Variants in CA10 observed in about 807,000 individuals in gnomAD.
CA10 encodes the protein carbonic anhydrase 10 (inactive), also known as carbonic anhydrase-related protein 10.
In CA10, 14 loss-of-function variants were observed where a neutral mutation model predicts 44.2. That is an observed-to-expected ratio of 0.32 (90% confidence interval 0.21 to 0.50). CA10 has a LOEUF of 0.50. Among genes scored for constraint, CA10 ranks in the 20% least tolerant of loss-of-function variants. CA10 has a pLI of 0.99. For missense variants in CA10, 350 were observed against 409.7 expected, an observed-to-expected ratio of 0.85 and a Z score of 1.26; for synonymous variants, 159 against 141.6, an observed-to-expected ratio of 1.12 and a Z score of -0.87.
rs531325643 is a variant in CA10 at position 51,835,469 on chromosome 17, C to T, written c.280-87651G>A. On this transcript the variant is annotated intron_variant, in intron 3 of 8. Transcript: ENST00000451037. ...AACATCCCAGCTATCTATGGCTTGC[C>T]ACTGCCATTCAGCAATCAGGCTTTC... 3.3e-4 allele frequency among the ~76,000 whole-genome samples: 50 copies of T among 152,344 alleles called. 2 individuals are homozygous for T. The highest frequency in any genetic ancestry group is 3.3e-3 in the Admixed American group (50 of 15,304).
chr17:51,682,923 TG>T (rs1914892216), intron 4 of CA10, among the ~76,000 whole-genome samples: 1 of 152,222 alleles, frequency 6.6e-6, no homozygotes, highest in Non-Finnish European at 1.5e-5. Context: ...TTCCCAAATT[TG>T]CCTGCTTATA....
chr17:51,853,175 G>T (rs188706158), intron 3 of CA10, among the ~76,000 whole-genome samples: 38 of 152,238 alleles, frequency 2.5e-4, no homozygotes, highest in Middle Eastern at 3.4e-3. Context: ...ATAAAAGAGA[G>T]AATATTTTTA....
chr17:51,687,946 G>A (rs915043693), intron 4 of CA10, among the ~76,000 whole-genome samples: 1 of 152,196 alleles, frequency 6.6e-6, no homozygotes, highest in Non-Finnish European at 1.5e-5. Context: ...GTTGCGTAGA[G>A]TTGAACTGTG....
intron 2 of CA10, among the ~76,000 whole-genome samples, chr17:52,052,912 TGTATGA>T (rs1166399432): frequency 3.3e-5 from 5 of 152,070 alleles, no homozygotes; most frequent in Admixed American, 3.3e-4. Flanking sequence ...CAATACAGTG[TGTATGA>T]GTATGTGTGT....
intron 3 of CA10, among the ~76,000 whole-genome samples, chr17:51,756,763 AC>A (rs1161703672): frequency 6.6e-6 from 1 of 152,134 alleles, no homozygotes; most frequent in African/African-American, 2.4e-5. Context: ...GGTGTGAGCC[AC>A]TGTGCCCAGC....
chr17:51,972,379 G>C (rs1391458603), intron 2 of CA10, among the ~76,000 whole-genome samples: 8 of 151,740 alleles, frequency 5.3e-5, no homozygotes, highest in African/African-American at 1.9e-4. Flanking sequence ...GATTATCGAT[G>C]GTATTCTAAA....
chr17:52,017,810 C>T lies in CA10; in HGVS notation c.136+54509G>A, dbSNP rs185602412. On this transcript the variant is annotated intron_variant, in intron 2 of 8. Coordinates refer to ENST00000451037, the MANE Select transcript of CA10 (RefSeq NM_020178.5). ...AGTCATGCACTCGTAGCCAAGACAA[C>T]GGGATAAAGACCTCAAAGGCATTTC... 8.9e-4 allele frequency among the ~76,000 whole-genome samples: 136 copies of T among 152,086 alleles called. 1 individual carries two copies. Among genetic ancestry groups the T allele is most frequent in the Admixed American group, 4.8e-3 (73 of 15,274 alleles).
chr17:51,839,343 A>C lies in CA10; in HGVS notation c.280-91525T>G, dbSNP rs184500777. On this transcript the variant is annotated intron_variant, in intron 3 of 8. Coordinates refer to ENST00000451037, the MANE Select transcript of CA10 (RefSeq NM_020178.5). Reference sequence around the variant, plus strand: ...CCGTCTCTACTTAAAATACAAAAAAATTAGCCGGGCGTGGTGGCATGAGCC... The same window carrying C: ...CCGTCTCTACTTAAAATACAAAAAACTTAGCCGGGCGTGGTGGCATGAGCC... Among the ~76,000 whole-genome samples, 47 of 151,960 alleles carry C rather than the reference A, an allele frequency of 3.1e-4. No individual in the cohort carries two copies. The East Asian group carries it at 8.9e-3, about 29-fold the overall frequency.
At chr17:51,882,775 C>A (rs7226322) in intron 3 of CA10, among the ~76,000 whole-genome samples, 10,042 of 152,206 alleles carry the variant, frequency 0.066, 652 homozygotes, top group African/African-American at 0.17. Context: ...TGTCAGCTTA[C>A]AGACCTAACC....
intron 1 of CA10, among the ~76,000 whole-genome samples, chr17:52,120,209 T>A (rs754675222): frequency 1.7e-4 from 26 of 152,186 alleles, no homozygotes; most frequent in Non-Finnish European, 3.5e-4. Context: ...TTTTGATACA[T>A]GTTTTCCAAT....
At chr17:52,077,239 T>C (rs1372242707) in intron 1 of CA10, among the ~76,000 whole-genome samples, 1 of 152,096 alleles carries the variant, frequency 6.6e-6, no homozygotes, top group Non-Finnish European at 1.5e-5. Context: ...GAAGTCATCG[T>C]TGGGGATGAA....
In CA10 at chr17:51,633,474, A is replaced by G; in HGVS notation, c.964+2T>C. The G allele has an allele frequency of 6.2e-7, 1 of 1,609,794 alleles. No individual in the cohort carries two copies. The highest frequency in any genetic ancestry group is 8.5e-7 in the Non-Finnish European group (1 of 1,177,440). ...CTCCACTCTCTGAGCCACCAAACCCACCTCTATACTGAAGCTTCTGGGCTC... is the reference window on the plus strand; with the variant it reads ...CTCCACTCTCTGAGCCACCAAACCCGCCTCTATACTGAAGCTTCTGGGCTC... On this transcript the variant is annotated splice_donor_variant, in intron 8 of 8. Transcript: ENST00000451037. LOFTEE classifies it high-confidence loss of function.
At chr17:51,648,804 T>C (rs1353549525) in intron 6 of CA10, among the ~76,000 whole-genome samples, 2 of 152,134 alleles carry the variant, frequency 1.3e-5, no homozygotes, top group East Asian at 3.9e-4. Flanking sequence ...TCTGTAAATG[T>C]TGCGATTGGA....
chr17:52,115,234 C>T (rs1988867506), intron 1 of CA10, among the ~76,000 whole-genome samples: 1 of 152,128 alleles, frequency 6.6e-6, no homozygotes, highest in Admixed American at 6.5e-5. Context: ...GATTTATTTT[C>T]GCCTAATACA....
Position 52,157,680 on chromosome 17 carries a change from T to C in CA10, c.61+46A>G. Reference sequence around the variant, plus strand: ...AATAAAACCCCATACACCCCAGACATCACAACATAATCCAAATCAGCCAGT... The same window carrying C: ...AATAAAACCCCATACACCCCAGACACCACAACATAATCCAAATCAGCCAGT... On this transcript the variant is annotated intron_variant, in intron 1 of 8. Coordinates refer to ENST00000451037, the MANE Select transcript of CA10 (RefSeq NM_020178.5). 5 of 1,566,890 alleles carry C rather than the reference T, an allele frequency of 3.2e-6. No individual in the cohort carries two copies. In the South Asian group the frequency reaches 4.4e-5, roughly 14 times the overall value.
At chr17:51,929,552 C>T (rs906729560) in intron 3 of CA10, among the ~76,000 whole-genome samples, 1 of 152,148 alleles carries the variant, frequency 6.6e-6, no homozygotes, top group African/African-American at 2.4e-5. Flanking sequence ...GCTTTTCCAC[C>T]CCCTGCTTTT....
At chr17:51,765,634 G>A (rs771378149) in intron 3 of CA10, among the ~76,000 whole-genome samples, 7 of 151,444 alleles carry the variant, frequency 4.6e-5, no homozygotes, top group Admixed American at 2.6e-4. Flanking sequence ...AAGAAGGCTG[G>A]TTATTCCTGA....
intron 2 of CA10, among the ~76,000 whole-genome samples, chr17:52,008,161 T>C (rs1455665370): frequency 6.6e-6 from 1 of 151,786 alleles, no homozygotes; most frequent in Non-Finnish European, 1.5e-5. Context: ...CTCTTCTTTG[T>C]TTTCTATTTC....
intron 4 of CA10, among the ~76,000 whole-genome samples, chr17:51,710,921 CTTTTTTTTTT>C (rs55854155): frequency 2.1e-3 from 176 of 84,480 alleles, no homozygotes; most frequent in African/African-American, 7.9e-3. Flanking sequence ...CAACATTTTG[CTTTTTTTTTT>C]TTTTTTTTTT....
Sources: gnomAD v4.1 joint callset for allele counts (sites outside exome capture counted in the v4.1 genomes callset) on GRCh38, gnomAD v4.1.1 for gene constraint, MANE v1.5 for transcripts, NCBI Gene and HGNC (gene_info 2026-07-23, HGNC 2026-07-21) for gene names.